Variants in MACROD2 observed in about 807,000 individuals in gnomAD.
MACROD2 encodes the protein ADP-ribose glycohydrolase MACROD2.
Under a neutral mutation model 70.4 loss-of-function variants are expected in MACROD2, and 36 were observed. That is an observed-to-expected ratio of 0.51 (90% CI 0.39 to 0.68). The LOEUF is 0.68. Ranked by LOEUF, MACROD2 falls within the 30% of genes least tolerant of loss-of-function variation. The pLI, the probability that MACROD2 is intolerant of heterozygous loss-of-function variation, is 0.00. For synonymous variants in MACROD2, 172 were observed against 178.8 expected, an observed-to-expected ratio of 0.96 and a Z score of 0.30; for missense variants, 496 against 538.4, an observed-to-expected ratio of 0.92 and a Z score of 0.78.
intron 2 of MACROD2, among the ~76,000 whole-genome samples, chr20:14,021,182 G>A (rs753926277): frequency 2.0e-5 from 3 of 151,922 alleles, no homozygotes; most frequent in Admixed American, 6.6e-5. Context: ...GTAGAGACGC[G>A]GTTTCACCGT....
chr20:15,958,493 GA>G (rs2066010247), intron 12 of MACROD2, among the ~76,000 whole-genome samples: 1 of 152,184 alleles, frequency 6.6e-6, no homozygotes, highest in Non-Finnish European at 1.5e-5. Flanking sequence ...TGTGATGCCA[GA>G]GAACTGAAAT....
intron 3 of MACROD2, among the ~76,000 whole-genome samples, chr20:14,485,487 G>T (rs1187234718): frequency 6.6e-6 from 1 of 152,002 alleles, no homozygotes; most frequent in East Asian, 1.9e-4. Context: ...GAATCACGAG[G>T]TCGGGAAATC....
At chr20:14,625,468 C>A (rs757690630) in intron 4 of MACROD2, among the ~76,000 whole-genome samples, 6 of 151,898 alleles carry the variant, frequency 4.0e-5, no homozygotes, top group Non-Finnish European at 8.8e-5. Context: ...CAATCACCAC[C>A]GAAAAAGCTC....
At chr20:14,255,985 C>A (rs541191108) in intron 3 of MACROD2, among the ~76,000 whole-genome samples, 12 of 151,866 alleles carry the variant, frequency 7.9e-5, no homozygotes, top group African/African-American at 2.4e-4. Flanking sequence ...TTGAAGAGTT[C>A]TCTGCCTTTA....
Position 15,345,090 on chromosome 20 carries a change from C to G in MACROD2, c.541-86315C>G, listed in dbSNP as rs149338056. Among the ~76,000 whole-genome samples, 662 of 147,540 alleles carry G rather than the reference C, an allele frequency of 4.5e-3. 4 individuals carry two copies. The highest frequency in any genetic ancestry group is 0.014 in the Middle Eastern group (4 of 288). On this transcript the variant is annotated intron_variant, in intron 6 of 17. Transcript: ENST00000684519. Reference sequence around the variant, plus strand: ...GGATGGAGAGCTTTCTCTGGGGTCTCTTTTATAAGAACATTAATTAATGAG... The same window carrying G: ...GGATGGAGAGCTTTCTCTGGGGTCTGTTTTATAAGAACATTAATTAATGAG...
intron 6 of MACROD2, among the ~76,000 whole-genome samples, chr20:15,283,771 G>C (rs191984936): frequency 6.2e-4 from 95 of 152,232 alleles, no homozygotes; most frequent in African/African-American, 2.2e-3. Flanking sequence ...TGCTTTACTT[G>C]TTTTTCTGTA....
intron 8 of MACROD2, among the ~76,000 whole-genome samples, chr20:15,628,573 A>G (rs2049240917): frequency 6.6e-6 from 1 of 152,304 alleles, no homozygotes; most frequent in South Asian, 2.1e-4. Context: ...TAATACAACA[A>G]CCATTTTGTT....
intron 5 of MACROD2, among the ~76,000 whole-genome samples, chr20:14,687,047 A>G (rs930693838): frequency 6.6e-6 from 1 of 152,154 alleles, no homozygotes; most frequent in Non-Finnish European, 1.5e-5. Flanking sequence ...CTATTTTTAC[A>G]AATATTGGTT....
chr20:14,858,685 G>A (rs537779270), intron 5 of MACROD2, among the ~76,000 whole-genome samples: 3 of 152,188 alleles, frequency 2.0e-5, no homozygotes, highest in African/African-American at 7.2e-5. Flanking sequence ...AATGCATTAA[G>A]GACAGGATAT....
chr20:15,387,166 G>A (rs2045724881), intron 6 of MACROD2, among the ~76,000 whole-genome samples: 1 of 152,288 alleles, frequency 6.6e-6, no homozygotes, highest in Non-Finnish European at 1.5e-5. Context: ...TAGAATGCAG[G>A]CATATCTCAT....
chr20:15,342,654 C>T (rs1600266144), intron 6 of MACROD2, among the ~76,000 whole-genome samples: 1 of 151,934 alleles, frequency 6.6e-6, no homozygotes, highest in African/African-American at 2.4e-5. Flanking sequence ...CAAGGATACT[C>T]GATTGAATTG....
intron 6 of MACROD2, among the ~76,000 whole-genome samples, chr20:15,416,765 G>A (rs1007581051): frequency 2.1e-5 from 3 of 140,612 alleles, no homozygotes; most frequent in Non-Finnish European, 4.7e-5. Context: ...TTAGCGGGGC[G>A]GTGGGGGGGC....
chr20:14,953,186 T>G (rs936683877), intron 5 of MACROD2, among the ~76,000 whole-genome samples: 7 of 152,138 alleles, frequency 4.6e-5, no homozygotes, highest in African/African-American at 1.7e-4. Context: ...AAAAATGTAT[T>G]GGGTTCAAAG....
intron 8 of MACROD2, among the ~76,000 whole-genome samples, chr20:15,658,526 A>G (rs76413003): frequency 0.043 from 6,613 of 152,220 alleles, 204 homozygotes; most frequent in Non-Finnish European, 0.059. Context: ...GCGGTAAGAG[A>G]GAAGTGAGGT....
chr20:15,859,991 C>T (rs552928409), intron 8 of MACROD2, among the ~76,000 whole-genome samples: 52 of 151,972 alleles, frequency 3.4e-4, no homozygotes, highest in Non-Finnish European at 6.8e-4. Flanking sequence ...AAAAATTAGC[C>T]GGGCATGGTG....
rs77330703 is a variant in MACROD2, at chr20:15,938,605, C to T, written c.907+1061C>T. On this transcript the variant is annotated intron_variant, in intron 12 of 17. Coordinates refer to ENST00000684519, the MANE Select transcript of MACROD2 (RefSeq NM_001351661.2). ...TATTCCCCTGTCTGTCCCCTTTTCTCGGGCCTCCCTATCCCTAAAACACAA... is the reference window on the plus strand; with the variant it reads ...TATTCCCCTGTCTGTCCCCTTTTCTTGGGCCTCCCTATCCCTAAAACACAA... 3.8e-4 allele frequency among the ~76,000 whole-genome samples: 58 copies of T among 152,178 alleles called. No individual in the cohort carries two copies. The East Asian group carries it at 0.011, about 29-fold the overall frequency.
At chr20:14,843,432 C>T (rs527804737) in intron 5 of MACROD2, among the ~76,000 whole-genome samples, 2 of 152,022 alleles carry the variant, frequency 1.3e-5, no homozygotes, top group South Asian at 4.2e-4. Flanking sequence ...ATACATTTTA[C>T]TAAGAGAATG....
chr20:15,910,197 T>C (rs2065215123), intron 10 of MACROD2, among the ~76,000 whole-genome samples: 2 of 152,200 alleles, frequency 1.3e-5, no homozygotes, highest in African/African-American at 2.4e-5. Flanking sequence ...CCAAATTCTG[T>C]TGCTTTTGCT....
chr20:15,048,807 A>G (rs2075416216), intron 5 of MACROD2, among the ~76,000 whole-genome samples: 1 of 152,168 alleles, frequency 6.6e-6, no homozygotes, highest in Non-Finnish European at 1.5e-5. Context: ...CCCCATCCAC[A>G]TTCTCAATTA....
Sources: allele counts gnomAD v4.1 joint callset (sites outside exome capture counted in the v4.1 genomes callset), GRCh38; gene constraint gnomAD v4.1.1; transcripts MANE v1.5; gene names NCBI Gene and HGNC (gene_info 2026-07-23, HGNC 2026-07-21).